Variants in CSRNP3 observed in about 807,000 individuals in gnomAD.
The protein encoded by CSRNP3 is cysteine/serine-rich nuclear protein 3.
Under a neutral mutation model 48.0 loss-of-function variants are expected in CSRNP3, and 12 were observed. The ratio of observed to expected loss-of-function variants is 0.25; its 90% CI spans 0.16 to 0.41. The LOEUF (loss-of-function observed/expected upper bound fraction) is 0.41, where lower values mean the gene tolerates loss of function less well. Among genes scored for constraint, CSRNP3 ranks in the 10% least tolerant of loss-of-function variants. The pLI, the probability that CSRNP3 is intolerant of heterozygous loss-of-function variation, is 1.00. For missense variants in CSRNP3, 580 were observed against 724.4 expected, an observed-to-expected ratio of 0.80 and a Z score of 2.29; for synonymous variants, 263 against 269.7, an observed-to-expected ratio of 0.98 and a Z score of 0.24.
At chr2:165,668,669 G>A (rs1687277294) in intron 5 of CSRNP3, among the ~76,000 whole-genome samples, 1 of 151,986 alleles carries the variant, frequency 6.6e-6, no homozygotes, top group Admixed American at 6.6e-5. Flanking sequence ...CAAAGTGCTG[G>A]GGTTACAGGT....
rs187982154 is a variant in CSRNP3 at position 165,592,060 on chromosome 2, C to A, written c.-23-2983C>A. Among the ~76,000 whole-genome samples, 367 of 152,340 alleles carry A rather than the reference C, an allele frequency of 2.4e-3. 4 individuals are homozygous for A. The highest frequency in any genetic ancestry group is 0.017 in the Middle Eastern group (5 of 294). ...AAAGCAGCCAGGAGGGGAGCTGTACCCTGCAAAGCCACAGGGGCAGAGTTG... is the reference window on the plus strand; with the variant it reads ...AAAGCAGCCAGGAGGGGAGCTGTACACTGCAAAGCCACAGGGGCAGAGTTG... On this transcript the variant is annotated intron_variant, in intron 3 of 6. Transcript: ENST00000651982.
intron 2 of CSRNP3, among the ~76,000 whole-genome samples, chr2:165,497,111 T>C (rs1006881043): frequency 6.6e-5 from 10 of 152,190 alleles, no homozygotes; most frequent in South Asian, 2.1e-4. Flanking sequence ...AGTGGTTTTA[T>C]TTTTTAATAA....
At chr2:165,585,580 G>T (rs1685614319) in intron 3 of CSRNP3, among the ~76,000 whole-genome samples, 1 of 152,182 alleles carries the variant, frequency 6.6e-6, no homozygotes, top group Non-Finnish European at 1.5e-5. Context: ...GCCCATTGCT[G>T]ATTGAAGCAA....
intron 4 of CSRNP3, among the ~76,000 whole-genome samples, chr2:165,615,744 A>T (rs1333715370): frequency 1.3e-5 from 2 of 149,398 alleles, no homozygotes; most frequent in South Asian, 2.1e-4. Context: ...TTATTTATTT[A>T]TTTTTTTTGA....
chr2:165,603,907 G>A lies in CSRNP3; in HGVS notation c.148+8694G>A, dbSNP rs73029862. On this transcript the variant is annotated intron_variant, in intron 4 of 6. Transcript: ENST00000651982. The stretch of plus-strand genomic sequence containing the variant: ...GTACAGCAGAGCTTGCTTTCTCATC[G>A]TCTTGCACCCTTCATTCATATTTGT... Among the ~76,000 whole-genome samples the A allele has an allele frequency of 3.7e-3, 570 of 152,146 alleles. 5 individuals are homozygous for A. The highest frequency in any genetic ancestry group is 0.013 in the African/African-American group (522 of 41,492).
intron 3 of CSRNP3, among the ~76,000 whole-genome samples, chr2:165,552,684 T>A (rs1296214134): frequency 1.3e-5 from 2 of 152,062 alleles, no homozygotes; most frequent in African/African-American, 4.8e-5. Context: ...CATACCTTCA[T>A]AATTTATCTA....
intron 1 of CSRNP3, among the ~76,000 whole-genome samples, chr2:165,482,383 C>T (rs576376059): frequency 3.9e-5 from 6 of 152,094 alleles, no homozygotes; most frequent in South Asian, 4.2e-4. Flanking sequence ...TGTGCCTCAG[C>T]CTCCTGAGTA....
At chr2:165,671,997 C>T (rs1687339604) in intron 5 of CSRNP3, among the ~76,000 whole-genome samples, 1 of 152,166 alleles carries the variant, frequency 6.6e-6, no homozygotes, top group Non-Finnish European at 1.5e-5. Flanking sequence ...CATCTCAGCC[C>T]ACCTCAGCCT....
chr2:165,646,340 T>C (rs948223123), intron 4 of CSRNP3, among the ~76,000 whole-genome samples: 1 of 152,148 alleles, frequency 6.6e-6, no homozygotes, highest in Non-Finnish European at 1.5e-5. Context: ...ATTTGTTTTG[T>C]TTTGTTTCTT....
chr2:165,677,108 G>C (rs779241115), intron 6 of CSRNP3, among the ~76,000 whole-genome samples: 2 of 152,170 alleles, frequency 1.3e-5, no homozygotes, highest in Admixed American at 6.5e-5. Flanking sequence ...GGCAAGTCAG[G>C]CCCACTGGGT....
chr2:165,671,169 C>A (rs928229043), intron 5 of CSRNP3, among the ~76,000 whole-genome samples: 1 of 152,064 alleles, frequency 6.6e-6, no homozygotes, highest in South Asian at 2.1e-4. Flanking sequence ...AGAGAAGTTA[C>A]AATTAATTTA....
At position 165,684,050 on chromosome 2, in the gene CSRNP3, G is replaced by C. The variant is rs1379249187; in HGVS notation, c.*4297G>C. ...AATTTACACCAGCAAACTCCTATCA[G>C]ACAGTTTCAAGGAGGATTTGACTCA... On this transcript the variant is annotated 3_prime_UTR_variant, in exon 7 of 7. Transcript: ENST00000651982. 1 of 152,134 alleles carries C rather than the reference G, an allele frequency of 6.6e-6. No individual in the cohort carries two copies. The highest frequency in any genetic ancestry group is 2.4e-5 in the African/African-American group (1 of 41,440). The allele number at this position is 152,134 out of a possible 1,614,324, so 9.4% of individuals were successfully genotyped here. A position where few individuals can be genotyped will look rare whatever the true frequency, so the allele number is the denominator to read the frequency against.
chr2:165,554,118 C>G (rs1685133571), intron 3 of CSRNP3, among the ~76,000 whole-genome samples: 2 of 152,126 alleles, frequency 1.3e-5, no homozygotes, highest in Non-Finnish European at 2.9e-5. Flanking sequence ...GTTGATCACT[C>G]CCTCATGCAT....
At chr2:165,657,026 C>A (rs35939714) in intron 4 of CSRNP3, among the ~76,000 whole-genome samples, 8,922 of 152,204 alleles carry the variant, frequency 0.059, 308 homozygotes, top group Non-Finnish European at 0.071. Context: ...TGAAATAAAC[C>A]ATTTTTAGTT....
intron 1 of CSRNP3, among the ~76,000 whole-genome samples, chr2:165,482,857 C>T (rs1485957776): frequency 4.6e-5 from 7 of 152,118 alleles, no homozygotes; most frequent in Admixed American, 3.3e-4. Context: ...ACTGTTTAAT[C>T]TACATTCACT....
At chr2:165,599,932 CT>C (rs10706848) in intron 4 of CSRNP3, among the ~76,000 whole-genome samples, 115,483 of 147,108 alleles carry the variant, frequency 0.79, 45,213 homozygotes, top group Non-Finnish European at 0.82. Flanking sequence ...CATTGGGATT[CT>C]TTTTTTTTTT....
intron 1 of CSRNP3, among the ~76,000 whole-genome samples, chr2:165,490,641 G>A (rs1203691502): frequency 7.2e-6 from 1 of 138,070 alleles, no homozygotes; most frequent in Non-Finnish European, 1.5e-5. Context: ...CAGAAATAAC[G>A]CCGCATACCT....
At chr2:165,589,082 A>G (rs2105289877) in intron 3 of CSRNP3, among the ~76,000 whole-genome samples, 1 of 152,352 alleles carries the variant, frequency 6.6e-6, no homozygotes, top group African/African-American at 2.4e-5. Context: ...TATAATATGT[A>G]GGTATTTAAG....
intron 1 of CSRNP3, among the ~76,000 whole-genome samples, chr2:165,481,706 C>T (rs1008225111): frequency 6.6e-6 from 1 of 152,014 alleles, no homozygotes; most frequent in South Asian, 2.1e-4. Context: ...TACAAGGCAT[C>T]CTGGAATACA....
Sources: gnomAD v4.1 joint callset for allele counts (sites outside exome capture counted in the v4.1 genomes callset) on GRCh38, gnomAD v4.1.1 for gene constraint, MANE v1.5 for transcripts, NCBI Gene and HGNC (gene_info 2026-07-23, HGNC 2026-07-21) for gene names.